CREB3L2: variants seen among roughly 807,000 people sequenced by gnomAD.
CREB3L2 encodes cAMP responsive element binding protein 3 like 2.
A neutral mutation model predicts 57.2 loss-of-function variants in CREB3L2; 23 were observed. That is an observed-to-expected ratio of 0.40 (90% CI 0.29 to 0.57). The LOEUF is 0.57. Among genes scored for constraint, CREB3L2 ranks in the 20% least tolerant of loss-of-function variants. The probability of loss-of-function intolerance (pLI) is 0.42; values close to 1 mark genes in which losing one functional copy is unlikely to be tolerated. For synonymous variants in CREB3L2, 268 were observed against 265.1 expected, an observed-to-expected ratio of 1.01 and a Z score of -0.11; for missense variants, 628 against 634.7, an observed-to-expected ratio of 0.99 and a Z score of 0.11.
chr7:137,928,870 G>T (rs1227928983), intron 1 of CREB3L2, among the ~76,000 whole-genome samples: 2 of 152,320 alleles, frequency 1.3e-5, no homozygotes, highest in East Asian at 3.9e-4. Flanking sequence ...AGACTCCACT[G>T]CTTGATGAGA....
At chr7:137,907,379 C>T (rs1799914358) in intron 5 of CREB3L2, among the ~76,000 whole-genome samples, 1 of 152,128 alleles carries the variant, frequency 6.6e-6, no homozygotes, top group Non-Finnish European at 1.5e-5. Context: ...ACAAGCTATT[C>T]TAGTAATCCA....
At chr7:137,916,322 G>A (rs1800132205) in intron 2 of CREB3L2, among the ~76,000 whole-genome samples, 1 of 152,198 alleles carries the variant, frequency 6.6e-6, no homozygotes, top group Admixed American at 6.5e-5. Context: ...GAATAGGAGG[G>A]AGGATTTTGA....
intron 1 of CREB3L2, among the ~76,000 whole-genome samples, chr7:137,951,458 G>A (rs1196941058): frequency 6.6e-6 from 1 of 152,178 alleles, no homozygotes; most frequent in Non-Finnish European, 1.5e-5. Flanking sequence ...ACACCCGCAA[G>A]AACCTAATCC....
In CREB3L2 at chr7:137,960,809, C is replaced by CTTTTTTTTT. The variant is rs66493086; in HGVS notation, c.103-32452_103-32444dup. On this transcript the variant is annotated intron_variant, in intron 1 of 11. Coordinates refer to ENST00000330387, the MANE Select transcript of CREB3L2 (RefSeq NM_194071.4). ...TTTTAAACTTAAAACTAAATTATTT[C>CTTTTTTTTT]TTTTTTTTTTTTTTTTTTTTTGAGA... is the stretch of plus-strand genomic sequence containing the variant. 6.4e-4 allele frequency among the ~76,000 whole-genome samples: 61 copies of CTTTTTTTTT among 95,574 alleles called. 4 individuals carry two copies. Among genetic ancestry groups the CTTTTTTTTT allele is most frequent in the African/African-American group, 9.9e-4 (23 of 23,186 alleles). 62.7% of individuals were successfully genotyped at this position (95,574 alleles called of 152,430 possible). A position where few individuals can be genotyped will look rare whatever the true frequency, so the allele number is the denominator to read the frequency against.
intron 1 of CREB3L2, among the ~76,000 whole-genome samples, chr7:137,969,468 T>C (rs1029195326): frequency 6.9e-6 from 1 of 145,920 alleles, no homozygotes; most frequent in African/African-American, 2.5e-5. Flanking sequence ...TGCCTCAGCC[T>C]CCCAAGTAGC....
intron 1 of CREB3L2, among the ~76,000 whole-genome samples, chr7:137,928,967 T>C (rs1800545612): frequency 6.6e-6 from 1 of 152,196 alleles, no homozygotes; most frequent in African/African-American, 2.4e-5. Flanking sequence ...ACCTACCACA[T>C]TTTGCACTGA....
intron 1 of CREB3L2, among the ~76,000 whole-genome samples, chr7:137,949,511 A>G (rs1396147681): frequency 6.6e-6 from 1 of 152,146 alleles, no homozygotes; most frequent in African/African-American, 2.4e-5. Flanking sequence ...TTACTTCCTT[A>G]TATTTCGCTT....
chr7:137,930,742 AG>A (rs1800598263), intron 1 of CREB3L2, among the ~76,000 whole-genome samples: 1 of 152,224 alleles, frequency 6.6e-6, no homozygotes, highest in South Asian at 2.1e-4. Flanking sequence ...AGACAGGGTC[AG>A]GGAGAGAGCT....
At chr7:137,985,729 T>C (rs1308444478) in intron 1 of CREB3L2, among the ~76,000 whole-genome samples, 12 of 152,212 alleles carry the variant, frequency 7.9e-5, no homozygotes, top group African/African-American at 2.9e-4. Context: ...TAACACCTGC[T>C]GCCAACCCAC....
Position 137,879,807 on chromosome 7 carries a change from T to C in CREB3L2, c.*669A>G, listed in dbSNP as rs1323372486. ...ACTATGGATGTGTGGGGAACCAGGT[T>C]GTGGGAGGTCCTAAAAGCGACAAGA... On this transcript the variant is annotated 3_prime_UTR_variant, in exon 12 of 12. Transcript: ENST00000330387. 8.5e-6 allele frequency: 2 copies of C among 235,168 alleles called. No homozygotes were observed. 14.6% of individuals were successfully genotyped at this position (235,168 alleles called of 1,614,324 possible). A position where few individuals can be genotyped will look rare whatever the true frequency, so the allele number is the denominator to read the frequency against.
chr7:137,926,459 T>C (rs1800460949), intron 2 of CREB3L2, among the ~76,000 whole-genome samples: 1 of 152,100 alleles, frequency 6.6e-6, no homozygotes, highest in African/African-American at 2.4e-5. Flanking sequence ...GAAACCATCA[T>C]CCTCAGCAAA....
rs1799214848 is a variant in CREB3L2 at position 137,878,803 on chromosome 7, G to A, written c.*1673C>T. 3.8e-6 allele frequency: 1 copy of A among 262,454 alleles called. No homozygotes were observed. The highest frequency in any genetic ancestry group is 7.3e-6 in the Non-Finnish European group (1 of 136,558). The allele number at this position is 262,454 out of a possible 1,614,324, so 16.3% of individuals were successfully genotyped here. A position where few individuals can be genotyped will look rare whatever the true frequency, so the allele number is the denominator to read the frequency against. ...CAGGGACCGACTTATGAGGTATGAC[G>A]ACAAATGTTAATAACATCAAATCCT... On this transcript the variant is annotated 3_prime_UTR_variant, in exon 12 of 12. Transcript: ENST00000330387.
At chr7:137,911,728 C>G (rs1048439582) in intron 4 of CREB3L2, among the ~76,000 whole-genome samples, 1 of 152,164 alleles carries the variant, frequency 6.6e-6, no homozygotes, top group African/African-American at 2.4e-5. Context: ...GTCCCCGCTA[C>G]TTGGGAGGCT....
intron 1 of CREB3L2, chr7:137,956,612 A>G: frequency 7.8e-7 from 1 of 1,289,130 alleles, no homozygotes; most frequent in Non-Finnish European, 1.0e-6. Flanking sequence ...ACGGACAGCC[A>G]TGCCGAATAT....
intron 1 of CREB3L2, among the ~76,000 whole-genome samples, chr7:137,988,606 C>T (rs1563274893): frequency 6.6e-6 from 1 of 152,194 alleles, no homozygotes; most frequent in Non-Finnish European, 1.5e-5. Context: ...AAAAGACTCA[C>T]ACCTTGGAGT....
chr7:137,912,729 A>G, intron 4 of CREB3L2: 1 of 1,027,814 alleles, frequency 9.7e-7, no homozygotes, highest in Non-Finnish European at 1.4e-6. Flanking sequence ...AAAAGTTTTG[A>G]AAAATATCAC....
chr7:137,987,045 A>G (rs1240260471), intron 1 of CREB3L2, among the ~76,000 whole-genome samples: 1 of 152,234 alleles, frequency 6.6e-6, no homozygotes, highest in Non-Finnish European at 1.5e-5. Context: ...CAGCTCTCCC[A>G]GCGGCTCCAA....
At chr7:137,904,362 C>G (rs1391078351) in intron 6 of CREB3L2, among the ~76,000 whole-genome samples, 1 of 152,072 alleles carries the variant, frequency 6.6e-6, no homozygotes, top group Non-Finnish European at 1.5e-5. Flanking sequence ...GAAACCCTGT[C>G]TCCATTAAAA....
intron 5 of CREB3L2, 78 bp downstream of exon 5, chr7:137,908,174 G>A: frequency 9.7e-7 from 1 of 1,032,314 alleles, no homozygotes; most frequent in Non-Finnish European, 1.3e-6. Context: ...GCCTTGAGTG[G>A]TCCTGCTCTG....
Sources: allele counts gnomAD v4.1 joint callset (sites outside exome capture counted in the v4.1 genomes callset), GRCh38; gene constraint gnomAD v4.1.1; transcripts MANE v1.5; gene names NCBI Gene and HGNC (gene_info 2026-07-23, HGNC 2026-07-21).